GRIK3: variants seen among roughly 807,000 people sequenced by gnomAD.
The protein encoded by GRIK3 is glutamate receptor ionotropic, kainate 3.
A neutral mutation model predicts 102.5 loss-of-function variants in GRIK3; 29 were observed. That is an observed-to-expected ratio of 0.28 (90% CI 0.21 to 0.39). The LOEUF is 0.39. GRIK3 is among the 10% of genes least tolerant of loss of function. The probability of loss-of-function intolerance (pLI) is 1.00; values close to 1 mark genes in which losing one functional copy is unlikely to be tolerated. For synonymous variants in GRIK3, 511 were observed against 504.9 expected, an observed-to-expected ratio of 1.01 and a Z score of -0.16; for missense variants, 908 against 1,252.4, an observed-to-expected ratio of 0.73 and a Z score of 4.15.
rs76264265 is a variant in GRIK3 at position 36,843,789 on chromosome 1, C to T, written c.1327-1850G>A. 8.2e-3 allele frequency among the ~76,000 whole-genome samples: 1,244 copies of T among 152,330 alleles called. 14 individuals carry two copies. The highest frequency in any genetic ancestry group is 0.025 in the African/African-American group (1,037 of 41,574). On this transcript the variant is annotated intron_variant, in intron 9 of 15. Coordinates refer to ENST00000373091, the MANE Select transcript of GRIK3 (RefSeq NM_000831.4). ...CCCCAGACCTGCCTCAGCACCCCAA[C>T]GTGACAGAATGTCTCAAGCCTTCAG...
At chr1:37,000,884 C>G (rs1350149634) in intron 1 of GRIK3, among the ~76,000 whole-genome samples, 2 of 152,180 alleles carry the variant, frequency 1.3e-5, no homozygotes, top group Admixed American at 1.3e-4. Flanking sequence ...CCAAGGGAGT[C>G]TTTCATCTCC....
rs1642689171 is a variant in GRIK3 at position 37,019,602 on chromosome 1, G to GCC, written c.115+14390_115+14391dup. Among the ~76,000 whole-genome samples the GCC allele has an allele frequency of 2.0e-5, 3 of 152,174 alleles. No individual in the cohort carries two copies. In the South Asian group the frequency reaches 6.2e-4, roughly 32 times the overall value. On this transcript the variant is annotated intron_variant, in intron 1 of 15. Coordinates refer to ENST00000373091, the MANE Select transcript of GRIK3 (RefSeq NM_000831.4). ...CCAAGCCCAGGAGTGCTGTTTCATT[G>GCC]CCCCCGCATCCTGGAGCCCCCGCAA...
At chr1:36,930,576 T>C (rs1337696331) in intron 1 of GRIK3, among the ~76,000 whole-genome samples, 1 of 152,222 alleles carries the variant, frequency 6.6e-6, no homozygotes, top group East Asian at 1.9e-4. Flanking sequence ...TGATGAGACA[T>C]GAATGTAAGT....
chr1:36,851,743 C>T (rs1640588337), intron 8 of GRIK3, among the ~76,000 whole-genome samples: 1 of 152,226 alleles, frequency 6.6e-6, no homozygotes, highest in Non-Finnish European at 1.5e-5. Flanking sequence ...CTAACCTCTG[C>T]CCAGGGATAA....
At chr1:37,025,992 C>T (rs907601383) in intron 1 of GRIK3, among the ~76,000 whole-genome samples, 2 of 152,148 alleles carry the variant, frequency 1.3e-5, no homozygotes, top group Non-Finnish European at 2.9e-5. Flanking sequence ...GTCCTCATTA[C>T]CTGCTGTCTT....
In GRIK3 at chr1:36,920,469, C is replaced by T. The variant is rs1641455032; in HGVS notation, c.116-29373G>A. ...AAAGCCTGATCCAGAATTTACCATCCCGGGACCCCCAGAAGCCACCGTCTG... is the reference window on the plus strand; with the variant it reads ...AAAGCCTGATCCAGAATTTACCATCTCGGGACCCCCAGAAGCCACCGTCTG... On this transcript the variant is annotated intron_variant, in intron 1 of 15. Coordinates refer to ENST00000373091, the MANE Select transcript of GRIK3 (RefSeq NM_000831.4). Among the ~76,000 whole-genome samples the T allele has an allele frequency of 2.0e-5, 3 of 152,034 alleles. No individual in the cohort carries two copies. In the South Asian group the frequency reaches 6.2e-4, roughly 32 times the overall value.
At chr1:36,981,263 G>A (rs1275483473) in intron 1 of GRIK3, among the ~76,000 whole-genome samples, 1 of 152,200 alleles carries the variant, frequency 6.6e-6, no homozygotes, top group African/African-American at 2.4e-5. Flanking sequence ...CTGGAGGGCA[G>A]GTGAACAGAG....
At chr1:37,014,105 A>G (rs1642627264) in intron 1 of GRIK3, among the ~76,000 whole-genome samples, 1 of 152,230 alleles carries the variant, frequency 6.6e-6, no homozygotes, top group Admixed American at 6.5e-5. Context: ...ACCTCTCCAG[A>G]GAGGCCCTTC....
chr1:36,798,116 T>C lies in GRIK3; in HGVS notation c.*3735A>G, dbSNP rs897341305. 1 of 152,330 alleles carries C rather than the reference T, an allele frequency of 6.6e-6. No homozygotes were observed. The highest frequency in any genetic ancestry group is 2.4e-5 in the African/African-American group (1 of 41,446). 9.4% of individuals were successfully genotyped at this position (152,330 alleles called of 1,614,324 possible). On this transcript the variant is annotated 3_prime_UTR_variant, in exon 16 of 16. Coordinates refer to ENST00000373091, the MANE Select transcript of GRIK3 (RefSeq NM_000831.4). Reference sequence around the variant, plus strand: ...CTTGCAGCATGGGGCCACTTGAACATTGACAACGCTTTCAGGATTTTCTTC... The same window carrying C: ...CTTGCAGCATGGGGCCACTTGAACACTGACAACGCTTTCAGGATTTTCTTC...
chr1:36,886,376 G>A (rs1201490947), intron 2 of GRIK3, among the ~76,000 whole-genome samples: 1 of 152,180 alleles, frequency 6.6e-6, no homozygotes, highest in African/African-American at 2.4e-5. Flanking sequence ...GGATTAATTA[G>A]AATTTGCCCC....
chr1:36,935,350 A>G (rs1158095234), intron 1 of GRIK3, among the ~76,000 whole-genome samples: 2 of 152,206 alleles, frequency 1.3e-5, no homozygotes, highest in Admixed American at 1.3e-4. Flanking sequence ...CCCAGGTAGA[A>G]GGTCACCATA....
chr1:36,935,316 T>C (rs115169549), intron 1 of GRIK3, among the ~76,000 whole-genome samples: 124 of 152,312 alleles, frequency 8.1e-4, no homozygotes, highest in African/African-American at 2.8e-3. Flanking sequence ...GGTCCCTGGA[T>C]ATGCAATCCT....
At chr1:36,877,501 C>T (rs546127487) in intron 3 of GRIK3, among the ~76,000 whole-genome samples, 18 of 152,288 alleles carry the variant, frequency 1.2e-4, no homozygotes, top group East Asian at 3.9e-4. Context: ...GATTATTCTA[C>T]GCCTTTGCTC....
intron 1 of GRIK3, among the ~76,000 whole-genome samples, chr1:36,972,173 A>G (rs944419454): frequency 6.6e-6 from 1 of 152,170 alleles, no homozygotes; most frequent in African/African-American, 2.4e-5. Flanking sequence ...TCCGCATCCC[A>G]ATGAGGCTGT....
At chr1:36,881,020 G>C (rs1640969862) in intron 2 of GRIK3, 129 bp from the exon 3 acceptor site, 2 of 957,008 alleles carry the variant, frequency 2.1e-6, no homozygotes, top group Non-Finnish European at 3.1e-6. Flanking sequence ...CACAATGGAT[G>C]AGCTCTCTGA....
At chr1:36,842,213 C>G (rs571316398) in intron 9 of GRIK3, among the ~76,000 whole-genome samples, 1 of 152,270 alleles carries the variant, frequency 6.6e-6, no homozygotes, top group East Asian at 1.9e-4. Flanking sequence ...AGCGGTGGAG[C>G]AGGGCTTTGA....
At chr1:36,857,650 G>A (rs1032484883) in intron 7 of GRIK3, among the ~76,000 whole-genome samples, 4 of 152,218 alleles carry the variant, frequency 2.6e-5, no homozygotes, top group Non-Finnish European at 2.9e-5. Context: ...AGGCACATGT[G>A]TGGTGCCCTA....
chr1:36,976,725 G>A (rs569443044), intron 1 of GRIK3, among the ~76,000 whole-genome samples: 1 of 152,212 alleles, frequency 6.6e-6, no homozygotes, highest in East Asian at 1.9e-4. Context: ...CTGGGGCTCT[G>A]AGTCATCATC....
rs78536603 is a variant in GRIK3 at position 36,812,546 on chromosome 1, A to G, written c.2091+4514T>C. On this transcript the variant is annotated intron_variant, in intron 13 of 15. Transcript: ENST00000373091. ...AGGCCTCTTTTTTCATCTCCTAATT[A>G]ATTTTTATCTTCCAAGACGGAGGGA... Among the ~76,000 whole-genome samples, 848 of 151,970 alleles carry G rather than the reference A, an allele frequency of 5.6e-3. 8 individuals carry two copies. The highest frequency in any genetic ancestry group is 0.02 in the African/African-American group (814 of 41,448).
Sources: gnomAD v4.1 joint callset for allele counts (sites outside exome capture counted in the v4.1 genomes callset) on GRCh38, gnomAD v4.1.1 for gene constraint, MANE v1.5 for transcripts, NCBI Gene and HGNC (gene_info 2026-07-23, HGNC 2026-07-21) for gene names.